MYO3B: variants seen among roughly 807,000 people sequenced by gnomAD.
The protein encoded by MYO3B is myosin IIIB.
A neutral mutation model predicts 174.6 loss-of-function variants in MYO3B; 156 were observed. The observed-to-expected ratio is 0.89, with a 90% CI of 0.78 to 1.02. The LOEUF is 1.02. MYO3B is among the 50% of genes least tolerant of loss of function. MYO3B has a pLI of 0.00. For missense variants in MYO3B, 1,632 were observed against 1,639.4 expected (o/e 1.00, Z 0.08); for synonymous variants, 563 against 569.1 (o/e 0.99, Z 0.15).
At chr2:170,598,898 T>C (rs1303822130) in intron 32 of MYO3B, among the ~76,000 whole-genome samples, 1 of 152,182 alleles carries the variant, frequency 6.6e-6, no homozygotes, top group African/African-American at 2.4e-5. Flanking sequence ...TATAAAACTA[T>C]AGTTAACCAT....
At chr2:170,621,788 C>T (rs1040057356) in intron 32 of MYO3B, among the ~76,000 whole-genome samples, 2 of 152,182 alleles carry the variant, frequency 1.3e-5, no homozygotes, top group South Asian at 2.1e-4. Flanking sequence ...CTGGGGCCAC[C>T]GTGAGCCACC....
intron 6 of MYO3B, among the ~76,000 whole-genome samples, chr2:170,230,417 G>T (rs1196404859): frequency 7.6e-6 from 1 of 131,856 alleles, no homozygotes; most frequent in Non-Finnish European, 1.5e-5. Flanking sequence ...TCCTGACCTC[G>T]TGATCTGCCT....
At chr2:170,549,821 C>T (rs1690760580) in intron 32 of MYO3B, among the ~76,000 whole-genome samples, 1 of 152,174 alleles carries the variant, frequency 6.6e-6, no homozygotes, top group South Asian at 2.1e-4. Context: ...TGCCTCAGAT[C>T]CATGCAACAG....
intron 29 of MYO3B, among the ~76,000 whole-genome samples, chr2:170,515,297 GC>G (rs1688238946): frequency 1.3e-5 from 2 of 152,194 alleles, no homozygotes; most frequent in African/African-American, 4.8e-5. Context: ...TGGTCTAGTT[GC>G]AGCTCTCCTT....
In MYO3B at chr2:170,654,260, T is replaced by G. The variant is rs1699168972; in HGVS notation, c.*1139T>G. The stretch of plus-strand genomic sequence containing the variant: ...CATGACAAATTGCAGTGTGATGTAA[T>G]CAAAAACAAAGAAGCCCTATAAGAC... On this transcript the variant is annotated 3_prime_UTR_variant, in exon 35 of 35. Coordinates refer to ENST00000408978, the MANE Select transcript of MYO3B (RefSeq NM_138995.5). 1.3e-5 allele frequency: 2 copies of G among 152,102 alleles called. No individual in the cohort carries two copies. Among genetic ancestry groups the G allele is most frequent in the Non-Finnish European group, 2.9e-5 (2 of 68,000 alleles). 9.4% of individuals were successfully genotyped at this position (152,102 alleles called of 1,614,324 possible). A position where few individuals can be genotyped will look rare whatever the true frequency, so the allele number is the denominator to read the frequency against.
At chr2:170,442,658 C>T (rs1215309263) in intron 22 of MYO3B, among the ~76,000 whole-genome samples, 1 of 152,086 alleles carries the variant, frequency 6.6e-6, no homozygotes, top group Non-Finnish European at 1.5e-5. Flanking sequence ...CCCACTCCCC[C>T]CACTCCCCGA....
chr2:170,316,286 A>C (rs868407872), intron 7 of MYO3B, among the ~76,000 whole-genome samples: 4 of 152,226 alleles, frequency 2.6e-5, no homozygotes, highest in Non-Finnish European at 5.9e-5. Flanking sequence ...CAATTTACTG[A>C]ATTATTTCCA....
intron 32 of MYO3B, among the ~76,000 whole-genome samples, chr2:170,592,899 T>A (rs1693903319): frequency 6.6e-6 from 1 of 152,142 alleles, no homozygotes; most frequent in Non-Finnish European, 1.5e-5. Flanking sequence ...TATCTATATC[T>A]GTTTTATGAG....
intron 24 of MYO3B, 148 bp downstream of exon 24, chr2:170,463,593 G>C: frequency 1.5e-6 from 1 of 686,732 alleles, no homozygotes; most frequent in Non-Finnish European, 2.5e-6. Flanking sequence ...AAGCAAGGAA[G>C]GAAGAGAACA....
At chr2:170,600,126 TG>T (rs1694418253) in intron 32 of MYO3B, among the ~76,000 whole-genome samples, 1 of 135,544 alleles carries the variant, frequency 7.4e-6, no homozygotes, top group East Asian at 1.9e-4. Flanking sequence ...CCTTCCTTGT[TG>T]TTGTTGTTTT....
At chr2:170,354,680 T>C (rs1439222169) in intron 8 of MYO3B, among the ~76,000 whole-genome samples, 1 of 152,202 alleles carries the variant, frequency 6.6e-6, no homozygotes, top group Non-Finnish European at 1.5e-5. Context: ...TGTGCTTTAC[T>C]TTGCAAGGGT....
intron 10 of MYO3B, chr2:170,382,614 C>T (rs181661410): frequency 3.5e-5 from 6 of 169,680 alleles, no homozygotes; most frequent in Admixed American, 1.7e-4. Context: ...TTGTTACCTT[C>T]AATGTCTAAA....
At chr2:170,495,296 T>A (rs139810165) in intron 25 of MYO3B, among the ~76,000 whole-genome samples, 170 of 152,326 alleles carry the variant, frequency 1.1e-3, no homozygotes, top group African/African-American at 3.8e-3. Context: ...AAGTGATTTA[T>A]CACCATGGTG....
intron 1 of MYO3B, among the ~76,000 whole-genome samples, chr2:170,195,289 C>T (rs889198258): frequency 5.3e-5 from 8 of 152,010 alleles, no homozygotes; most frequent in Admixed American, 1.3e-4. Flanking sequence ...ACCGTCCTAT[C>T]CTGTACCCAT....
At chr2:170,423,649 C>T (rs1168928391) in intron 22 of MYO3B, among the ~76,000 whole-genome samples, 1 of 145,366 alleles carries the variant, frequency 6.9e-6, no homozygotes. Flanking sequence ...GGTGCGATCT[C>T]AGCTCACTGC....
intron 1 of MYO3B, among the ~76,000 whole-genome samples, chr2:170,197,085 C>T (rs866263815): frequency 6.6e-5 from 10 of 151,854 alleles, no homozygotes; most frequent in African/African-American, 1.9e-4. Flanking sequence ...TCCTGTGGCC[C>T]CACCCAGCAG....
chr2:170,212,358 G>A (rs940495466), intron 3 of MYO3B, among the ~76,000 whole-genome samples: 2 of 151,990 alleles, frequency 1.3e-5, no homozygotes, highest in Non-Finnish European at 2.9e-5. Context: ...CCGTCCAGCC[G>A]ACATTCCTGA....
intron 23 of MYO3B, among the ~76,000 whole-genome samples, chr2:170,463,023 A>G (rs1684401061): frequency 6.6e-6 from 1 of 152,220 alleles, no homozygotes; most frequent in African/African-American, 2.4e-5. Context: ...ATTTCGCCTC[A>G]TGGCCCTTTG....
intron 8 of MYO3B, among the ~76,000 whole-genome samples, chr2:170,366,429 T>C (rs1432061998): frequency 6.6e-6 from 1 of 152,100 alleles, no homozygotes; most frequent in Non-Finnish European, 1.5e-5. Context: ...GCCTCCCAAG[T>C]AGCTGGGACT....
Sources: gnomAD v4.1 joint callset for allele counts (sites outside exome capture counted in the v4.1 genomes callset) on GRCh38, gnomAD v4.1.1 for gene constraint, MANE v1.5 for transcripts, NCBI Gene and HGNC (gene_info 2026-07-23, HGNC 2026-07-21) for gene names.